Variants in SPOCK1 observed in about 807,000 individuals in gnomAD.
The protein encoded by SPOCK1 is SPARC (osteonectin), cwcv and kazal like domains proteoglycan 1.
A neutral mutation model predicts 55.3 loss-of-function variants in SPOCK1; 23 were observed. The ratio of observed to expected loss-of-function variants is 0.42; its 90% CI spans 0.30 to 0.59. The LOEUF (loss-of-function observed/expected upper bound fraction) is 0.59. SPOCK1 is among the 20% of genes least tolerant of loss of function. The probability of loss-of-function intolerance (pLI) is 0.22; values close to 1 mark genes in which losing one functional copy is unlikely to be tolerated. For synonymous variants in SPOCK1, 226 were observed against 221.0 expected, an observed-to-expected ratio of 1.02 and a Z score of -0.20; for missense variants, 499 against 552.5, an observed-to-expected ratio of 0.90 and a Z score of 0.97.
chr5:137,476,800 CTG>C (rs2149841187), intron 2 of SPOCK1, among the ~76,000 whole-genome samples: 1 of 152,210 alleles, frequency 6.6e-6, no homozygotes, highest in South Asian at 2.1e-4. Flanking sequence ...AGGCAGGTGT[CTG>C]TAATCCCAGC....
At chr5:137,042,999 A>G (rs958343421) in intron 6 of SPOCK1, among the ~76,000 whole-genome samples, 1 of 152,176 alleles carries the variant, frequency 6.6e-6, no homozygotes, top group Admixed American at 6.5e-5. Flanking sequence ...CCATTCTACA[A>G]TAAAAAGAAC....
At chr5:137,128,122 A>G (rs2905975) in intron 4 of SPOCK1, among the ~76,000 whole-genome samples, 136,476 of 152,196 alleles carry the variant, frequency 0.9, 61,267 homozygotes, top group African/African-American at 0.93. Context: ...TCATAAAAGA[A>G]GGCCCGTAGA....
chr5:137,205,777 A>C (rs1194464749), intron 3 of SPOCK1, among the ~76,000 whole-genome samples: 1 of 152,220 alleles, frequency 6.6e-6, no homozygotes, highest in Non-Finnish European at 1.5e-5. Context: ...CTGGGGAGAG[A>C]AACAGTGGAA....
At chr5:137,414,119 G>T (rs1752279557) in intron 2 of SPOCK1, among the ~76,000 whole-genome samples, 1 of 152,152 alleles carries the variant, frequency 6.6e-6, no homozygotes, top group South Asian at 2.1e-4. Flanking sequence ...ATAACCATAT[G>T]AACAACTTTA....
chr5:137,307,094 C>T (rs1217884193), intron 2 of SPOCK1, among the ~76,000 whole-genome samples: 1 of 152,190 alleles, frequency 6.6e-6, no homozygotes, highest in African/African-American at 2.4e-5. Context: ...AATGCTCTTG[C>T]CTGTAAAATG....
At chr5:137,432,679 G>GCACTACAATGTGAATAAT (rs1752775080) in intron 2 of SPOCK1, among the ~76,000 whole-genome samples, 1 of 152,256 alleles carries the variant, frequency 6.6e-6, no homozygotes, top group South Asian at 2.1e-4. Flanking sequence ...GGTGATGGTT[G>GCACTACAATGTGAATAAT]CACTACAATG....
chr5:137,497,931 T>C (rs1190712799), intron 2 of SPOCK1, among the ~76,000 whole-genome samples: 1 of 151,202 alleles, frequency 6.6e-6, no homozygotes, highest in Non-Finnish European at 1.5e-5. Context: ...AGACCCAACC[T>C]CTCCAGTAGG....
intron 2 of SPOCK1, among the ~76,000 whole-genome samples, chr5:137,493,771 G>A (rs1223761743): frequency 6.6e-6 from 1 of 152,160 alleles, no homozygotes; most frequent in Non-Finnish European, 1.5e-5. Flanking sequence ...CGTGATGACA[G>A]ATTAATGACT....
At chr5:137,286,745 G>T (rs1215897783) in intron 2 of SPOCK1, among the ~76,000 whole-genome samples, 2 of 152,138 alleles carry the variant, frequency 1.3e-5, no homozygotes, top group Non-Finnish European at 1.5e-5. Context: ...ACCAAGTCTC[G>T]GCCACAAGGA....
chr5:137,198,214 C>T (rs1030872102), intron 3 of SPOCK1, among the ~76,000 whole-genome samples: 1 of 152,136 alleles, frequency 6.6e-6, no homozygotes, highest in Non-Finnish European at 1.5e-5. Flanking sequence ...AACAGTTCAC[C>T]AACAAATGTT....
At chr5:137,146,726 T>C (rs1754201732) in intron 3 of SPOCK1, among the ~76,000 whole-genome samples, 1 of 152,170 alleles carries the variant, frequency 6.6e-6, no homozygotes, top group Non-Finnish European at 1.5e-5. Flanking sequence ...ATTCTGCCCA[T>C]AGGATTTTTG....
At chr5:137,381,439 A>G (rs1050605847) in intron 2 of SPOCK1, among the ~76,000 whole-genome samples, 2 of 152,140 alleles carry the variant, frequency 1.3e-5, no homozygotes, top group African/African-American at 4.8e-5. Context: ...CTCCCCTAGT[A>G]GAGGTTCTCC....
intron 6 of SPOCK1, among the ~76,000 whole-genome samples, chr5:137,066,987 C>CACACACACACACAGAGAGAGAGAGAGAG (rs1343691789): frequency 2.1e-5 from 3 of 139,660 alleles, no homozygotes; most frequent in Non-Finnish European, 3.1e-5. Flanking sequence ...CACACACACA[C>CACACACACACACAGAGAGAGAGAGAGAG]AGAGAGAGAG....
At chr5:137,257,742 C>T (rs926338371) in intron 3 of SPOCK1, among the ~76,000 whole-genome samples, 20 of 152,202 alleles carry the variant, frequency 1.3e-4, no homozygotes, top group African/African-American at 4.8e-4. Context: ...TTCAGAAAGG[C>T]CCCAGGTCAC....
intron 7 of SPOCK1, among the ~76,000 whole-genome samples, chr5:136,990,191 T>C (rs1032257323): frequency 7.2e-5 from 11 of 152,240 alleles, no homozygotes; most frequent in South Asian, 2.1e-4. Flanking sequence ...ATTACAAGCT[T>C]GAGCCACCGC....
chr5:137,024,397 T>A (rs943046214), intron 6 of SPOCK1, among the ~76,000 whole-genome samples: 2 of 151,800 alleles, frequency 1.3e-5, no homozygotes, highest in African/African-American at 4.8e-5. Flanking sequence ...AACTTTGCTG[T>A]GATTAATTAA....
At chr5:137,145,485 A>G (rs1477781279) in intron 3 of SPOCK1, among the ~76,000 whole-genome samples, 1 of 152,210 alleles carries the variant, frequency 6.6e-6, no homozygotes, top group Non-Finnish European at 1.5e-5. Flanking sequence ...GCAGAGCTTG[A>G]TACCACCTCA....
At chr5:137,204,845 C>T (rs1755491986) in intron 3 of SPOCK1, among the ~76,000 whole-genome samples, 2 of 152,080 alleles carry the variant, frequency 1.3e-5, no homozygotes, top group Admixed American at 1.3e-4. Context: ...CTGTATATAC[C>T]CTAGAAGCAC....
intron 6 of SPOCK1, among the ~76,000 whole-genome samples, 157 bp downstream of exon 6, chr5:137,067,558 C>T (rs554147646): frequency 7.2e-5 from 11 of 152,246 alleles, no homozygotes; most frequent in Non-Finnish European, 1.0e-4. Flanking sequence ...TAGTTGAAGG[C>T]AATTCGGTTT....
Sources: gnomAD v4.1 joint callset for allele counts (sites outside exome capture counted in the v4.1 genomes callset) on GRCh38, gnomAD v4.1.1 for gene constraint, MANE v1.5 for transcripts, NCBI Gene and HGNC (gene_info 2026-07-23, HGNC 2026-07-21) for gene names.